The following CADPS variants were observed in gnomAD, a reference collection of about 807,000 sequenced individuals.
CADPS encodes calcium dependent secretion activator.
Under a neutral mutation model 167.3 loss-of-function variants are expected in CADPS, and 57 were observed. That is an observed-to-expected ratio of 0.34 (90% CI 0.28 to 0.42). The LOEUF (loss-of-function observed/expected upper bound fraction) is 0.42, where lower values mean the gene tolerates loss of function less well. CADPS is among the 20% of genes least tolerant of loss of function. The pLI is 1.00. For missense variants in CADPS, 1,414 were observed against 1,738.1 expected, an observed-to-expected ratio of 0.81 and a Z score of 3.32; for synonymous variants, 676 against 635.3, an observed-to-expected ratio of 1.06 and a Z score of -0.96.
intron 26 of CADPS, among the ~76,000 whole-genome samples, chr3:62,459,001 T>C (rs1356445485): frequency 1.3e-5 from 2 of 152,214 alleles, no homozygotes; most frequent in Non-Finnish European, 2.9e-5. Flanking sequence ...TCCATTTTCA[T>C]GGCATCAACT....
At chr3:62,579,284 C>G (rs2082919738) in intron 8 of CADPS, among the ~76,000 whole-genome samples, 1 of 152,170 alleles carries the variant, frequency 6.6e-6, no homozygotes, top group African/African-American at 2.4e-5. Context: ...CCACTTTAAG[C>G]TCCAATTTCT....
chr3:62,619,837 T>C (rs1171723476), intron 6 of CADPS, among the ~76,000 whole-genome samples: 1 of 152,170 alleles, frequency 6.6e-6, no homozygotes, highest in East Asian at 1.9e-4. Flanking sequence ...TACTGTGTTT[T>C]CTTTCCTTTC....
At chr3:62,425,515 A>G (rs1010039514) in intron 28 of CADPS, among the ~76,000 whole-genome samples, 5 of 152,166 alleles carry the variant, frequency 3.3e-5, no homozygotes, top group African/African-American at 1.2e-4. Context: ...TTAATGTACA[A>G]CTGGAATGAG....
At chr3:62,437,613 A>G (rs2055400026) in intron 28 of CADPS, among the ~76,000 whole-genome samples, 2 of 151,988 alleles carry the variant, frequency 1.3e-5, no homozygotes. Context: ...CAGGGTAAGG[A>G]TTTCCAGTCT....
intron 3 of CADPS, among the ~76,000 whole-genome samples, chr3:62,709,616 C>G (rs1197871524): frequency 6.6e-6 from 1 of 152,034 alleles, no homozygotes; most frequent in Admixed American, 6.5e-5. Context: ...TTTACTGTTC[C>G]CTTAAGCAGA....
chr3:62,570,436 C>T (rs1054090515), intron 9 of CADPS, among the ~76,000 whole-genome samples: 1 of 152,024 alleles, frequency 6.6e-6, no homozygotes, highest in Non-Finnish European at 1.5e-5. Context: ...ACTCATAATG[C>T]CTATCTCAGT....
At chr3:62,556,578 T>G (rs1301242078) in intron 10 of CADPS, among the ~76,000 whole-genome samples, 2 of 152,182 alleles carry the variant, frequency 1.3e-5, no homozygotes, top group African/African-American at 4.8e-5. Context: ...AATAAACTTC[T>G]CCGGGAGAGG....
At position 62,721,139 on chromosome 3, in the gene CADPS, A is replaced by ATTTTTTTTTTTTTTTTT. The variant is rs1268261563; in HGVS notation, c.888+32301_888+32302insAAAAAAAAAAAAAAAAA. Among the ~76,000 whole-genome samples the ATTTTTTTTTTTTTTTTT allele has an allele frequency of 5.7e-4, 64 of 113,050 alleles. 3 individuals are homozygous for ATTTTTTTTTTTTTTTTT. Among genetic ancestry groups the ATTTTTTTTTTTTTTTTT allele is most frequent in the African/African-American group, 2.2e-3 (55 of 25,224 alleles). The allele number at this position is 113,050 out of a possible 152,430, so 74.2% of individuals were successfully genotyped here. The stretch of plus-strand genomic sequence containing the variant: ...GCAGGTTTTTTTTTTTTTTTTAAAA[A>ATTTTTTTTTTTTTTTTT]AAAAAAGAAGAAAAAAGAAAAAGTA... On this transcript the variant is annotated intron_variant, in intron 3 of 29. Coordinates refer to ENST00000383710, the MANE Select transcript of CADPS (RefSeq NM_003716.4).
chr3:62,874,958 G>A lies in CADPS; in HGVS notation c.72C>T (p.Leu24=), dbSNP rs779620579. 1 of 1,581,342 alleles carries A rather than the reference G, an allele frequency of 6.3e-7. No individual in the cohort carries two copies. Among genetic ancestry groups the A allele is most frequent in the South Asian group, 1.1e-5 (1 of 89,506 alleles). The change falls in exon 1 of 30, where the codon CTC becomes CTT. Residue 24 remains leucine (L), a synonymous_variant. Coordinates refer to ENST00000383710, the MANE Select transcript of CADPS (RefSeq NM_003716.4). The surrounding 1 kb of genome is among the most constrained non-coding windows in gnomAD (Gnocchi z 7.1). ...IVEEESGKEV[L]GSAPSGARLS... ...GGCGCGCGCCGGACGGGGCCGAGCCGAGCACCTCCTTGCCGCTCTCCTCCT... is the reference window on the plus strand; with the variant it reads ...GGCGCGCGCCGGACGGGGCCGAGCCAAGCACCTCCTTGCCGCTCTCCTCCT...
At chr3:62,545,872 A>G (rs1008128505) in intron 11 of CADPS, among the ~76,000 whole-genome samples, 1 of 152,118 alleles carries the variant, frequency 6.6e-6, no homozygotes, top group Non-Finnish European at 1.5e-5. Context: ...AAATATTTCT[A>G]TATTGCTTCC....
At chr3:62,532,247 C>G (rs903388317) in intron 13 of CADPS, among the ~76,000 whole-genome samples, 1 of 152,142 alleles carries the variant, frequency 6.6e-6, no homozygotes, top group African/African-American at 2.4e-5. Flanking sequence ...GCCATTCCAT[C>G]TGAGTCATGT....
intron 3 of CADPS, among the ~76,000 whole-genome samples, chr3:62,673,694 T>C (rs1394591549): frequency 1.3e-5 from 2 of 152,196 alleles, no homozygotes; most frequent in African/African-American, 4.8e-5. Context: ...TTGCCATTCG[T>C]TTTTCAATTT....
chr3:62,645,754 T>C lies in CADPS; in HGVS notation c.1293A>G (p.Leu431=), dbSNP rs1210571396. The C allele has an allele frequency of 3.7e-6, 6 of 1,614,000 alleles. No homozygotes were observed. Among genetic ancestry groups the C allele is most frequent in the Non-Finnish European group, 4.2e-6 (5 of 1,179,984 alleles). Residue 431 remains leucine, a synonymous_variant, in exon 6 of 30, where the codon CTA becomes CTG. Coordinates refer to ENST00000383710, the MANE Select transcript of CADPS (RefSeq NM_003716.4). ...TAGAAGCCTCGGCCTGATCAGTCTG[T>C]AGTTTCTCTCCTCCTTCCACCTCCA... The part of the protein sequence containing the change: ...CTMEVEGGEK[L]QTDQAEASKP...
intron 27 of CADPS, chr3:62,439,101 G>T (rs1167255738): frequency 6.6e-6 from 1 of 152,008 alleles, no homozygotes; most frequent in Admixed American, 6.6e-5. Flanking sequence ...AGGTCATTAG[G>T]AGAGTGGCCA....
chr3:62,640,773 C>G (rs1422806882), intron 6 of CADPS, among the ~76,000 whole-genome samples: 1 of 152,110 alleles, frequency 6.6e-6, no homozygotes, highest in African/African-American at 2.4e-5. Context: ...TACTGGGTTG[C>G]TAATTCAAAT....
In CADPS at chr3:62,462,289, C is replaced by T. The variant is rs140960355; in HGVS notation, c.3636+3078G>A. Among the ~76,000 whole-genome samples, 300 of 152,366 alleles carry T rather than the reference C, an allele frequency of 2.0e-3. 2 individuals are homozygous for T. Among genetic ancestry groups the T allele is most frequent in the African/African-American group, 6.8e-3 (284 of 41,586 alleles). On this transcript the variant is annotated intron_variant, in intron 26 of 29. Transcript: ENST00000383710. ...GCTGGTGAGGGAGGAGAGGAGGGTG[C>T]GCTTGGGCGCCTCTCGGGCTGGCAC...
chr3:62,461,807 G>A (rs781225980), intron 26 of CADPS, among the ~76,000 whole-genome samples: 3 of 152,056 alleles, frequency 2.0e-5, no homozygotes, highest in East Asian at 3.9e-4. Context: ...TTCTCCCACC[G>A]GATAATTTTC....
intron 3 of CADPS, among the ~76,000 whole-genome samples, chr3:62,702,383 A>T (rs1355117454): frequency 2.6e-5 from 4 of 152,108 alleles, no homozygotes; most frequent in Non-Finnish European, 4.4e-5. Context: ...TGCCAGTTCC[A>T]ATTCTAGGAA....
intron 3 of CADPS, among the ~76,000 whole-genome samples, chr3:62,691,966 G>T (rs1444451856): frequency 1.3e-5 from 2 of 151,226 alleles, no homozygotes; most frequent in South Asian, 4.2e-4. Flanking sequence ...AGGATTTTTT[G>T]ATAATAATAT....
Sources: allele counts gnomAD v4.1 joint callset (sites outside exome capture counted in the v4.1 genomes callset), GRCh38; gene constraint gnomAD v4.1.1; non-coding constraint Gnocchi (gnomAD v3.1); transcripts MANE v1.5; gene names NCBI Gene and HGNC (gene_info 2026-07-23, HGNC 2026-07-21).